Variants in PRMT8 observed in about 807,000 individuals in gnomAD.
PRMT8 encodes the protein protein arginine methyltransferase 8.
Under a neutral mutation model 47.1 loss-of-function variants are expected in PRMT8, and 7 were observed. The observed-to-expected ratio is 0.15, with a 90% confidence interval of 0.08 to 0.28. PRMT8 has a LOEUF of 0.28. Among genes scored for constraint, PRMT8 ranks in the 10% least tolerant of loss-of-function variants. The pLI is 1.00. For synonymous variants in PRMT8, 188 were observed against 186.5 expected, an observed-to-expected ratio of 1.01 and a Z score of -0.07; for missense variants, 237 against 505.4, an observed-to-expected ratio of 0.47 and a Z score of 5.09.
Position 3,552,641 on chromosome 12 carries a change from C to T in PRMT8, c.418-1010C>T. On this transcript the variant is annotated intron_variant, in intron 3 of 9. Coordinates refer to ENST00000382622, the MANE Select transcript of PRMT8 (RefSeq NM_019854.5). This position sits in a 1 kb window ranked among gnomAD's most constrained non-coding sequence, Gnocchi z 4.5. ...GGGCTGGTTCTCCTGGGACCTGCAC[C>T]CTGGCTGGAGTCGGCCTCCTTGGAT... 7 of 438,774 alleles carry T rather than the reference C, an allele frequency of 1.6e-5. No homozygotes were observed. Among genetic ancestry groups the T allele is most frequent in the South Asian group, 9.7e-5 (6 of 61,658 alleles). The allele number at this position is 438,774 out of a possible 1,614,324, so 27.2% of individuals were successfully genotyped here.
intron 1 of PRMT8, chr12:3,381,482 C>T: frequency 6.5e-7 from 1 of 1,530,842 alleles, no homozygotes; most frequent in Non-Finnish European, 8.8e-7. Flanking sequence ...CTTTCTTCTT[C>T]CTGCAAGTGA....
intron 1 of PRMT8, among the ~76,000 whole-genome samples, chr12:3,394,668 TTC>T (rs1180585840): frequency 1.3e-5 from 2 of 152,142 alleles, no homozygotes; most frequent in Non-Finnish European, 2.9e-5. Context: ...TGGTCTAAAA[TTC>T]TCTTTTTTGG....
intron 1 of PRMT8, among the ~76,000 whole-genome samples, chr12:3,429,015 ACT>A (rs1009495948): frequency 2.6e-5 from 3 of 115,006 alleles, no homozygotes; most frequent in African/African-American, 1.0e-4. Context: ...TCTCTCTCTG[ACT>A]CTCTCTCTCT....
At chr12:3,565,226 T>C (rs1866699553) in intron 4 of PRMT8, among the ~76,000 whole-genome samples, 1 of 152,146 alleles carries the variant, frequency 6.6e-6, no homozygotes, top group Non-Finnish European at 1.5e-5. Context: ...CGCAGCTTTC[T>C]GGCACTGCAA....
chr12:3,521,925 C>T (rs555314126), intron 1 of PRMT8, among the ~76,000 whole-genome samples: 1 of 4,648 alleles, frequency 2.2e-4, no homozygotes, highest in East Asian at 0.12. Flanking sequence ...ACAATGGGAG[C>T]GACTTTAACC....
At chr12:3,541,949 G>A (rs1035739220) in intron 2 of PRMT8, among the ~76,000 whole-genome samples, 6 of 152,148 alleles carry the variant, frequency 3.9e-5, no homozygotes, top group African/African-American at 9.7e-5. Context: ...GCGTGTGTGC[G>A]TGTGTGAAAG....
chr12:3,454,784 A>C (rs1285000547), intron 1 of PRMT8, among the ~76,000 whole-genome samples: 1 of 152,026 alleles, frequency 6.6e-6, no homozygotes, highest in Non-Finnish European at 1.5e-5. Context: ...CTGCCTATTG[A>C]CCTAGAATCC....
chr12:3,577,151 C>T (rs181444189), intron 7 of PRMT8, among the ~76,000 whole-genome samples, 165 bp downstream of exon 7: 102 of 152,296 alleles, frequency 6.7e-4, no homozygotes, highest in South Asian at 1.9e-3. Context: ...GCTGGCAGTC[C>T]GCCTGGACAC....
chr12:3,592,289 C>T lies in PRMT8; in HGVS notation c.1038C>T (p.Leu346=). 6.3e-7 allele frequency: 1 copy of T among 1,598,004 alleles called. No individual in the cohort carries two copies. Among genetic ancestry groups the T allele is most frequent in the Non-Finnish European group, 8.5e-7 (1 of 1,173,558 alleles). The stretch of plus-strand genomic sequence containing the variant: ...CCGTCTTCTACTTGGAAGATTACCT[C>T]ACTGTCCGGAGGGGGGAGGAAATCT... The part of the protein sequence containing the change: ...KQTVFYLEDY[L]TVRRGEEIYG... Residue 346 remains leucine, a synonymous_variant, in exon 9 of 10, where the codon CTC becomes CTT. Coordinates refer to ENST00000382622, the MANE Select transcript of PRMT8 (RefSeq NM_019854.5).
intron 4 of PRMT8, among the ~76,000 whole-genome samples, chr12:3,561,252 G>C (rs115584643): frequency 6.6e-6 from 1 of 152,200 alleles, no homozygotes; most frequent in Non-Finnish European, 1.5e-5. Flanking sequence ...GGGCCCAGAT[G>C]CTGCACTTGT....
At position 3,435,009 on chromosome 12, in the gene PRMT8, C is replaced by T. The variant is rs576492175; in HGVS notation, c.48+53567C>T. 6.9e-5 allele frequency among the ~76,000 whole-genome samples: 10 copies of T among 145,508 alleles called. No individual in the cohort carries two copies. In the Admixed American group the frequency reaches 6.9e-4, roughly 10 times the overall value. On this transcript the variant is annotated intron_variant, in intron 1 of 9. Transcript: ENST00000452611. ...TTTCAGAAGGAGTCTTGCTCTGTCTCTCAGGCTGGAGTGCAGGGGCGCGAT... is the reference window on the plus strand; with the variant it reads ...TTTCAGAAGGAGTCTTGCTCTGTCTTTCAGGCTGGAGTGCAGGGGCGCGAT...
upstream of PRMT8, among the ~76,000 whole-genome samples, chr12:3,487,865 A>G (rs910675991): frequency 1.3e-5 from 2 of 152,128 alleles, no homozygotes; most frequent in African/African-American, 2.4e-5. Context: ...TTGTCCTCCA[A>G]TCATCACTGT....
chr12:3,426,414 G>A (rs189357624), intron 1 of PRMT8, among the ~76,000 whole-genome samples: 84 of 152,274 alleles, frequency 5.5e-4, no homozygotes, highest in African/African-American at 1.9e-3. Context: ...TCCACAGAAC[G>A]TTGGACCAAC....
chr12:3,543,584 C>T (rs530065879), intron 2 of PRMT8, among the ~76,000 whole-genome samples: 5 of 152,244 alleles, frequency 3.3e-5, no homozygotes, highest in East Asian at 3.9e-4. Flanking sequence ...AAACGTGGTG[C>T]GGATAGACTG....
intron 8 of PRMT8, among the ~76,000 whole-genome samples, chr12:3,584,627 A>T (rs1468291711): frequency 6.6e-6 from 1 of 152,158 alleles, no homozygotes; most frequent in African/African-American, 2.4e-5. Flanking sequence ...CCCCCAACCC[A>T]TCCCACTCCC....
rs57739335 is a variant in PRMT8, at chr12:3,580,337, CGTGTGT to C, written c.829-2696_829-2691del. On this transcript the variant is annotated intron_variant, in intron 7 of 9. Transcript: ENST00000382622. This position sits in a 1 kb window ranked among gnomAD's most constrained non-coding sequence, Gnocchi z 4.6. ...TCCTGCCAGATGGGGGGTGCGTGTG[CGTGTGT>C]GTGTGTGTGTGTGTGTGTGTGTGTA... 2.1e-4 allele frequency among the ~76,000 whole-genome samples: 30 copies of C among 145,640 alleles called. No homozygotes were observed. The highest frequency in any genetic ancestry group is 1.6e-3 in the East Asian group (8 of 4,912).
chr12:3,423,282 A>T lies in PRMT8; in HGVS notation c.48+41840A>T, dbSNP rs1295570975. ...GCTGCAAGTAGTTGAGAGCCAATTT[A>T]TTTTGATAGATAGCATTTCTCATTT... On this transcript the variant is annotated intron_variant, in intron 1 of 9. Coordinates refer to the PRMT8 transcript ENST00000452611. 4.6e-5 allele frequency among the ~76,000 whole-genome samples: 7 copies of T among 152,332 alleles called. No homozygotes were observed. The East Asian group carries it at 1.4e-3, about 29-fold the overall frequency.
chr12:3,390,474 C>G (rs1437454327), intron 1 of PRMT8, among the ~76,000 whole-genome samples: 2 of 152,176 alleles, frequency 1.3e-5, no homozygotes, highest in Admixed American at 6.5e-5. Flanking sequence ...CTTTCCTTAA[C>G]AACTGTGACA....
chr12:3,431,234 A>T (rs1864672244), intron 1 of PRMT8, among the ~76,000 whole-genome samples: 1 of 152,176 alleles, frequency 6.6e-6, no homozygotes, highest in African/African-American at 2.4e-5. Context: ...GACCAGTGAG[A>T]AAGTTACAGC....
Sources: gnomAD v4.1 joint callset for allele counts (sites outside exome capture counted in the v4.1 genomes callset) on GRCh38, gnomAD v4.1.1 for gene constraint, Gnocchi (gnomAD v3.1) non-coding constraint, MANE v1.5 for transcripts, NCBI Gene and HGNC (gene_info 2026-07-23, HGNC 2026-07-21) for gene names.